Variants in KPNB1 observed in about 807,000 individuals in gnomAD.
The protein encoded by KPNB1 is karyopherin subunit beta 1, also known as importin subunit beta-1.
KPNB1 carries 7 observed loss-of-function variants against 113.0 expected under a neutral mutation model. The ratio of observed to expected loss-of-function variants is 0.06; its 90% CI spans 0.04 to 0.12. The LOEUF (loss-of-function observed/expected upper bound fraction) is 0.12. Ranked by LOEUF, KPNB1 falls within the 10% of genes least tolerant of loss-of-function variation. KPNB1 has a pLI of 1.00. For missense variants in KPNB1, 400 were observed against 1,054.8 expected, an observed-to-expected ratio of 0.38 and a Z score of 8.60; for synonymous variants, 363 against 378.6, an observed-to-expected ratio of 0.96 and a Z score of 0.48.
chr17:47,658,659 A>C lies in KPNB1; in HGVS notation c.635A>C (p.Glu212Ala). ...LEFTKANFDK[E>A]SERHFIMQVV... ...TTCACCAAAGCAAACTTTGATAAAG[A>C]GGTAAGTTTTTTGACAATAAGGTAT... The change falls in exon 5 of 22, where the codon GAG (glutamate) becomes GCG (alanine). Residue 212 changes from glutamate (E) to alanine (A), a missense_variant and splice_region_variant. By Grantham distance (107) the Glu-to-Ala change is moderately radical. Transcript: ENST00000290158. The C allele has an allele frequency of 6.2e-7, 1 of 1,612,388 alleles. No homozygotes were observed. The highest frequency in any genetic ancestry group is 8.5e-7 in the Non-Finnish European group (1 of 1,179,380).
Position 47,650,366 on chromosome 17 carries a change from T to G in KPNB1, c.41-20T>G. 3 of 1,611,274 alleles carry G rather than the reference T, an allele frequency of 1.9e-6. No homozygotes were observed. The highest frequency in any genetic ancestry group is 2.5e-6 in the Non-Finnish European group (3 of 1,179,306). Reference sequence around the variant, plus strand: ...CCGGCCCCTCTGACCCCGCTCCGTCTCCCACTTTCCTCCCCCTAGATCGGC... The same window carrying G: ...CCGGCCCCTCTGACCCCGCTCCGTCGCCCACTTTCCTCCCCCTAGATCGGC... On this transcript the variant is annotated intron_variant, in intron 1 of 21. Coordinates refer to ENST00000290158, the MANE Select transcript of KPNB1 (RefSeq NM_002265.6).
intron 21 of KPNB1, among the ~76,000 whole-genome samples, chr17:47,681,049 GTTTTTT>G (rs112270020): frequency 7.5e-6 from 1 of 134,030 alleles, no homozygotes; most frequent in Admixed American, 7.8e-5. Flanking sequence ...AAAGTCAAAT[GTTTTTT>G]TGTGTGTGTG....
In KPNB1 at chr17:47,685,097, CATTTATTA is replaced by C. The variant is rs1322090889; in HGVS notation, c.*2698_*2705del. On this transcript the variant is annotated 3_prime_UTR_variant, in exon 22 of 22. Transcript: ENST00000290158. The stretch of plus-strand genomic sequence containing the variant: ...AAGTGGCAGCTGCCTGTATCAATTA[CATTTATTA>C]ATTTTGCTTTTCATTTTTCCCAGTT... The C allele has an allele frequency of 6.6e-6, 1 of 152,204 alleles. No individual in the cohort carries two copies. The allele number at this position is 152,204 out of a possible 1,614,324, so 9.4% of individuals were successfully genotyped here.
At chr17:47,676,517 T>C in intron 16 of KPNB1, 26 bp downstream of exon 16, 2 of 1,533,010 alleles carry the variant, frequency 1.3e-6, no homozygotes, top group Non-Finnish European at 1.8e-6. Flanking sequence ...CAAAATAGTA[T>C]GTTCCCATTT....
intron 12 of KPNB1, among the ~76,000 whole-genome samples, chr17:47,672,442 A>C (rs2030479556): frequency 6.6e-6 from 1 of 151,684 alleles, no homozygotes; most frequent in African/African-American, 2.4e-5. Context: ...CTTGTTGCTC[A>C]GGCTGGAGTG....
At chr17:47,668,915 A>G (rs1206705935) in intron 10 of KPNB1, among the ~76,000 whole-genome samples, 1 of 151,818 alleles carries the variant, frequency 6.6e-6, no homozygotes, top group Non-Finnish European at 1.5e-5. Flanking sequence ...TTTTGCTATT[A>G]CAAGTCGTGC....
At chr17:47,668,027 G>C (rs2030343686) in intron 9 of KPNB1, among the ~76,000 whole-genome samples, 159 bp from the exon 10 acceptor site, 1 of 152,120 alleles carries the variant, frequency 6.6e-6, no homozygotes, top group South Asian at 2.1e-4. Flanking sequence ...CAAAGGCTAT[G>C]CTGTGATGAA....
intron 8 of KPNB1, 49 bp downstream of exon 8, chr17:47,664,318 A>C: frequency 3.8e-5 from 45 of 1,182,310 alleles, no homozygotes; most frequent in Non-Finnish European, 4.8e-5. Context: ...GACATATCTC[A>C]TTTGTGGATG....
chr17:47,681,386 G>T (rs1478916056), intron 21 of KPNB1, among the ~76,000 whole-genome samples: 1 of 150,584 alleles, frequency 6.6e-6, no homozygotes, highest in Non-Finnish European at 1.5e-5. Flanking sequence ...CTCTGCCTCA[G>T]CCTCCTGAGT....
chr17:47,654,323 GA>G (rs1269284043), intron 3 of KPNB1, among the ~76,000 whole-genome samples: 1 of 151,706 alleles, frequency 6.6e-6, no homozygotes, highest in East Asian at 1.9e-4. Context: ...GCTTAGGCAG[GA>G]GAATTGCTTG....
At chr17:47,652,319 T>G (rs1915603319) in intron 2 of KPNB1, among the ~76,000 whole-genome samples, 1 of 152,174 alleles carries the variant, frequency 6.6e-6, no homozygotes, top group South Asian at 2.1e-4. Flanking sequence ...TACCAGACAT[T>G]ATTAAAAGTT....
rs2143067856 is a variant in KPNB1 at position 47,649,974 on chromosome 17, C to G, written c.-271C>G. On this transcript the variant is annotated 5_prime_UTR_variant, in exon 1 of 22. Transcript: ENST00000290158. ...CCTCCCTTCCTTCTTTCTCCCTCCG[C>G]CTCCCGAGCACCAGCGCGCTCTGAG... 1 of 1,325,486 alleles carries G rather than the reference C, an allele frequency of 7.5e-7. No individual in the cohort carries two copies. Among genetic ancestry groups the G allele is most frequent in the South Asian group, 2.1e-5 (1 of 47,934 alleles). The allele number at this position is 1,325,486 out of a possible 1,614,324, so 82.1% of individuals were successfully genotyped here. A position where few individuals can be genotyped will look rare whatever the true frequency, so the allele number is the denominator to read the frequency against.
At chr17:47,682,138 G>C (rs2143190260) in intron 21 of KPNB1, among the ~76,000 whole-genome samples, 1 of 152,320 alleles carries the variant, frequency 6.6e-6, no homozygotes, top group South Asian at 2.1e-4. Context: ...CTGAAATACA[G>C]TTTTAATTTC....
intron 3 of KPNB1, among the ~76,000 whole-genome samples, chr17:47,653,658 T>G (rs1274394068): frequency 6.6e-6 from 1 of 152,206 alleles, no homozygotes; most frequent in East Asian, 1.9e-4. Context: ...GAGTGGAAAC[T>G]AGTGGGGAAT....
chr17:47,651,113 A>G, intron 2 of KPNB1: 1 of 576,540 alleles, frequency 1.7e-6, no homozygotes. Context: ...GCACCCAGAA[A>G]ACAGACTGAG....
chr17:47,676,553 G>A (rs1433951978), intron 16 of KPNB1, 62 bp downstream of exon 16: 15 of 1,245,512 alleles, frequency 1.2e-5, no homozygotes, highest in East Asian at 2.3e-5. Flanking sequence ...TGTAGTGCAC[G>A]CAAAACCAGG....
chr17:47,669,581 T>C (rs1005357662), intron 10 of KPNB1, 97 bp from the exon 11 acceptor site: 1 of 857,400 alleles, frequency 1.2e-6, no homozygotes, highest in Non-Finnish European at 1.8e-6. Context: ...GTGACTTTTT[T>C]GAGTTAAGCC....
intron 9 of KPNB1, among the ~76,000 whole-genome samples, chr17:47,667,849 C>T (rs1162349350): frequency 5.3e-5 from 8 of 152,256 alleles, no homozygotes; most frequent in African/African-American, 1.4e-4. Flanking sequence ...TGAGCCACCG[C>T]GCCTGGCCGA....
chr17:47,670,617 G>A (rs2030416665), intron 11 of KPNB1, 85 bp from the exon 12 acceptor site: 9 of 1,417,192 alleles, frequency 6.4e-6, no homozygotes, highest in South Asian at 1.5e-5. Flanking sequence ...TCACTGACAC[G>A]GCCCAAAGTA....
Sources: allele counts gnomAD v4.1 joint callset (sites outside exome capture counted in the v4.1 genomes callset), GRCh38; gene constraint gnomAD v4.1.1; transcripts MANE v1.5; gene names NCBI Gene and HGNC (gene_info 2026-07-23, HGNC 2026-07-21).